DNAH10: variants seen among roughly 807,000 people sequenced by gnomAD.
The protein encoded by DNAH10 is axonemal beta dynein heavy chain 10.
Under a neutral mutation model 506.6 loss-of-function variants are expected in DNAH10, and 348 were observed. That is an observed-to-expected ratio of 0.69 (90% CI 0.63 to 0.75). The LOEUF (loss-of-function observed/expected upper bound fraction) is 0.75. Among genes scored for constraint, DNAH10 ranks in the 30% least tolerant of loss-of-function variants. DNAH10 has a pLI of 0.00. For missense variants in DNAH10, 5,179 were observed against 5,787.1 expected (o/e 0.89, Z 3.41); for synonymous variants, 2,059 against 2,198.6 (o/e 0.94, Z 1.78).
chr12:123,887,596 C>T (rs1566050664), intron 52 of DNAH10, among the ~76,000 whole-genome samples: 1 of 152,098 alleles, frequency 6.6e-6, no homozygotes, highest in Non-Finnish European at 1.5e-5. Context: ...CCGGGCTGTG[C>T]TAAGTGTGCA....
At chr12:123,777,995 T>C (rs1957503478) in intron 5 of DNAH10, among the ~76,000 whole-genome samples, 1 of 152,100 alleles carries the variant, frequency 6.6e-6, no homozygotes, top group African/African-American at 2.4e-5. Flanking sequence ...AACTGAACTT[T>C]TCATTCTAAA....
chr12:123,914,275 T>G, intron 60 of DNAH10, 54 bp from the exon 61 acceptor site: 1 of 1,517,976 alleles, frequency 6.6e-7, no homozygotes, highest in South Asian at 1.2e-5. Flanking sequence ...AATGTTCCTT[T>G]TGGTTGTGGC....
chr12:123,844,357 T>C (rs1950874716), intron 30 of DNAH10, among the ~76,000 whole-genome samples: 1 of 152,186 alleles, frequency 6.6e-6, no homozygotes, highest in African/African-American at 2.4e-5. Flanking sequence ...CATTTACAGC[T>C]CTGAGTCCAT....
At chr12:123,777,505 T>C (rs11835249) in intron 5 of DNAH10, among the ~76,000 whole-genome samples, 112,115 of 151,890 alleles carry the variant, frequency 0.74, 42,033 homozygotes, top group East Asian at 1. Flanking sequence ...TGAGTTAGGC[T>C]GTGGGGCCCT....
At position 123,784,483 on chromosome 12, in the gene DNAH10, G is replaced by T. The variant is rs538835314; in HGVS notation, c.1230+306G>T. On this transcript the variant is annotated intron_variant, in intron 8 of 78. Coordinates refer to ENST00000673944, the MANE Select transcript of DNAH10 (RefSeq NM_001372106.1). ...GATTGCTTGAGCCTGGGAGATGGAG[G>T]TTGCAGTGAGCCAAGATTGCGCCAC... 2.6e-5 allele frequency among the ~76,000 whole-genome samples: 4 copies of T among 152,212 alleles called. No homozygotes were observed. In the East Asian group the frequency reaches 5.8e-4, roughly 22 times the overall value.
intron 2 of DNAH10, among the ~76,000 whole-genome samples, chr12:123,770,813 G>T (rs1957223742): frequency 6.6e-6 from 1 of 152,056 alleles, no homozygotes; most frequent in African/African-American, 2.4e-5. Flanking sequence ...GATGTTCTGA[G>T]GGCTCAGACT....
intron 10 of DNAH10, 89 bp from the exon 11 acceptor site, chr12:123,789,838 G>C (rs2136216771): frequency 8.1e-7 from 1 of 1,233,774 alleles, no homozygotes; most frequent in Non-Finnish European, 1.2e-6. Flanking sequence ...TTGCCCCCAG[G>C]TCAGTCTCGA....
chr12:123,836,257 C>G (rs946891972), intron 28 of DNAH10, among the ~76,000 whole-genome samples: 56 of 152,172 alleles, frequency 3.7e-4, no homozygotes, highest in Non-Finnish European at 7.3e-5. Flanking sequence ...AGAAACAGTT[C>G]ATATTAGGAA....
intron 5 of DNAH10, among the ~76,000 whole-genome samples, chr12:123,775,236 G>A (rs1004433422): frequency 4.6e-5 from 7 of 152,138 alleles, no homozygotes; most frequent in Admixed American, 3.9e-4. Context: ...AGCCTCCTGA[G>A]TGGCTGGGAT....
chr12:123,920,643 A>G (rs1055841159), intron 65 of DNAH10, among the ~76,000 whole-genome samples: 8 of 152,210 alleles, frequency 5.3e-5, no homozygotes, highest in African/African-American at 1.9e-4. Flanking sequence ...CAGGTTTTCA[A>G]ATGTTCCCAA....
intron 2 of DNAH10, among the ~76,000 whole-genome samples, chr12:123,770,794 GC>G (rs1385324202): frequency 2.0e-5 from 3 of 152,058 alleles, no homozygotes; most frequent in Non-Finnish European, 4.4e-5. Context: ...CTAATCACCG[GC>G]CTTGTTGGAT....
In DNAH10 at chr12:123,907,463, TC is replaced by T. The variant is rs1457381591; in HGVS notation, c.9816-1797del. 6.6e-6 allele frequency among the ~76,000 whole-genome samples: 1 copy of T among 152,198 alleles called. No individual in the cohort carries two copies. Among genetic ancestry groups the T allele is most frequent in the Non-Finnish European group, 1.5e-5 (1 of 68,036 alleles). The stretch of plus-strand genomic sequence containing the variant: ...TCTCTTGACTTGCACCCTCCACATT[TC>T]ACACACCTTGGTCATCCGGCATTGT... On this transcript the variant is annotated intron_variant, in intron 57 of 78. Coordinates refer to ENST00000673944, the MANE Select transcript of DNAH10 (RefSeq NM_001372106.1). This position sits in a 1 kb window ranked among gnomAD's most constrained non-coding sequence, Gnocchi z 4.4.
intron 72 of DNAH10, chr12:123,930,003 T>C (rs1273812626): frequency 3.4e-6 from 2 of 591,724 alleles, no homozygotes; most frequent in East Asian, 2.8e-5. Flanking sequence ...CTCTAGCCCC[T>C]TGCCTCAGCT....
rs1406336536 is a variant in DNAH10 at position 123,923,751 on chromosome 12, G to T, written c.11507-12G>T. 6.3e-7 allele frequency: 1 copy of T among 1,579,772 alleles called. No homozygotes were observed. The highest frequency in any genetic ancestry group is 8.6e-7 in the Non-Finnish European group (1 of 1,164,018). On this transcript the variant is annotated splice_polypyrimidine_tract_variant and intron_variant, in intron 65 of 78. Coordinates refer to ENST00000673944, the MANE Select transcript of DNAH10 (RefSeq NM_001372106.1). ...TTTAAGAAATCAATACTCATCTGAT[G>T]TTTCCCTCCAGGGCTGTTTGAGAGG...
Position 123,800,387 on chromosome 12 carries a change from A to C in DNAH10, c.2461A>C (p.Arg821=). ...TGCTCTCCAGGAAGACAAATTCCTT[A>C]GGTAAAAAAATTCTTCTTTTAAATT... ...NVALQEDKFL[R]YTAGIQRMLD... is the part of the protein sequence containing the mutation. Residue 821 remains arginine, a splice_region_variant and synonymous_variant, in exon 15 of 79, where the codon AGG becomes CGG. Coordinates refer to ENST00000673944, the MANE Select transcript of DNAH10 (RefSeq NM_001372106.1). The C allele has an allele frequency of 1.2e-6, 2 of 1,610,740 alleles. No individual in the cohort carries two copies. The highest frequency in any genetic ancestry group is 1.7e-6 in the Non-Finnish European group (2 of 1,179,240).
At chr12:123,894,777 T>A in intron 54 of DNAH10, 54 bp downstream of exon 54, 1 of 1,507,894 alleles carries the variant, frequency 6.6e-7, no homozygotes, top group Non-Finnish European at 9.2e-7. Flanking sequence ...AGCAATTTAT[T>A]TTCCCTTTTC....
intron 29 of DNAH10, among the ~76,000 whole-genome samples, chr12:123,839,724 G>A (rs1282139383): frequency 2.1e-5 from 3 of 145,670 alleles, no homozygotes; most frequent in African/African-American, 7.6e-5. Context: ...GTGCAGTGGC[G>A]CGATCTCCAC....
At chr12:123,912,745 G>A (rs780628751) in intron 59 of DNAH10, among the ~76,000 whole-genome samples, 9 of 152,164 alleles carry the variant, frequency 5.9e-5, no homozygotes, top group Non-Finnish European at 1.3e-4. Flanking sequence ...GCTATAGCTC[G>A]GAATTGTATT....
At chr12:123,880,996 A>C (rs572166562) in intron 50 of DNAH10, among the ~76,000 whole-genome samples, 1 of 152,004 alleles carries the variant, frequency 6.6e-6, no homozygotes, top group East Asian at 1.9e-4. Context: ...TTTTTAATGG[A>C]TGCATAGTAT....
Sources: gnomAD v4.1 joint callset for allele counts (sites outside exome capture counted in the v4.1 genomes callset) on GRCh38, gnomAD v4.1.1 for gene constraint, Gnocchi (gnomAD v3.1) non-coding constraint, MANE v1.5 for transcripts, NCBI Gene and HGNC (gene_info 2026-07-23, HGNC 2026-07-21) for gene names.